The following VIT variants were observed in gnomAD, a reference collection of about 807,000 sequenced individuals.
VIT encodes the protein vitrin.
VIT carries 99 observed loss-of-function variants against 78.0 expected under a neutral mutation model. The observed-to-expected ratio is 1.27, with a 90% CI of 1.08 to 1.50. The LOEUF is 1.50. Among genes scored for constraint, VIT ranks in the 40% most tolerant of loss-of-function variants. The pLI, the probability that VIT is intolerant of heterozygous loss-of-function variation, is 0.00. For synonymous variants in VIT, 374 were observed against 334.3 expected (o/e 1.12, Z -1.29); for missense variants, 1,126 against 875.3 (o/e 1.29, Z -3.61).
intron 6 of VIT, among the ~76,000 whole-genome samples, chr2:36,766,025 G>A (rs1342063492): frequency 6.6e-6 from 1 of 152,194 alleles, no homozygotes; most frequent in Non-Finnish European, 1.5e-5. Context: ...TCACTTTGGG[G>A]GCCACTGTGT....
chr2:36,734,296 T>C (rs1013856802), intron 3 of VIT, among the ~76,000 whole-genome samples: 1 of 152,206 alleles, frequency 6.6e-6, no homozygotes, highest in Admixed American at 6.5e-5. Flanking sequence ...GCTCTCAGTT[T>C]TCACCAGTGT....
In VIT at chr2:36,775,714, C is replaced by G. The variant is rs201805439; in HGVS notation, c.802+647C>G. 1.1e-4 allele frequency among the ~76,000 whole-genome samples: 17 copies of G among 152,278 alleles called. 1 individual carries two copies. In the East Asian group the frequency reaches 3.3e-3, roughly 29 times the overall value. The stretch of plus-strand genomic sequence containing the variant: ...ATCCTACCCAATTTCTGCTGCTTCT[C>G]TCCTCACCATCATCCCTGCAACTTT... On this transcript the variant is annotated intron_variant, in intron 9 of 15. Coordinates refer to ENST00000379242, the MANE Select transcript of VIT (RefSeq NM_053276.4).
intron 7 of VIT, among the ~76,000 whole-genome samples, chr2:36,771,958 G>A (rs960387197): frequency 1.4e-4 from 22 of 152,144 alleles, no homozygotes; most frequent in Non-Finnish European, 1.5e-5. Context: ...ATGAGAGCAT[G>A]TACATCCCAC....
chr2:36,754,714 A>G (rs1056781495), intron 4 of VIT, among the ~76,000 whole-genome samples: 1 of 152,206 alleles, frequency 6.6e-6, no homozygotes, highest in Non-Finnish European at 1.5e-5. Flanking sequence ...AAGAAGAAAG[A>G]GAAGGACATT....
chr2:36,747,247 T>A (rs1327973274), intron 4 of VIT, among the ~76,000 whole-genome samples: 3 of 152,186 alleles, frequency 2.0e-5, no homozygotes, highest in Non-Finnish European at 4.4e-5. Flanking sequence ...GTATGTTCTA[T>A]GTGCAGATGA....
At chr2:36,712,877 T>A (rs2148439766) in intron 1 of VIT, among the ~76,000 whole-genome samples, 1 of 152,356 alleles carries the variant, frequency 6.6e-6, no homozygotes, top group Non-Finnish European at 1.5e-5. Context: ...TAGTTTCTAA[T>A]GTATTCATAA....
chr2:36,757,746 A>C (rs1240526008), intron 5 of VIT, among the ~76,000 whole-genome samples: 1 of 152,250 alleles, frequency 6.6e-6, no homozygotes, highest in Non-Finnish European at 1.5e-5. Flanking sequence ...ACATAGTTCC[A>C]AAACATTTTA....
intron 4 of VIT, among the ~76,000 whole-genome samples, chr2:36,752,638 C>A (rs1668533198): frequency 6.6e-6 from 1 of 152,196 alleles, no homozygotes; most frequent in South Asian, 2.1e-4. Flanking sequence ...TAAGTGGAAC[C>A]ACAGCTTTTT....
intron 4 of VIT, among the ~76,000 whole-genome samples, chr2:36,750,167 T>C (rs1463762586): frequency 6.6e-6 from 1 of 152,240 alleles, no homozygotes; most frequent in East Asian, 1.9e-4. Flanking sequence ...CTTCAGACTA[T>C]GAAATAAAAA....
chr2:36,750,901 C>T (rs553370912), intron 4 of VIT, among the ~76,000 whole-genome samples: 1 of 152,278 alleles, frequency 6.6e-6, no homozygotes, highest in African/African-American at 2.4e-5. Context: ...TCATCACCCT[C>T]ATGAGGTTAT....
rs1667406820 is a variant in VIT, at chr2:36,814,273, T to C, written c.1994T>C (p.Phe665Ser). 1.2e-6 allele frequency: 2 copies of C among 1,614,104 alleles called. No individual in the cohort carries two copies. The highest frequency in any genetic ancestry group is 2.7e-5 in the African/African-American group (2 of 74,936). The change falls in exon 16 of 16, where the codon TTT (phenylalanine) becomes TCT (serine). Residue 665 changes from phenylalanine to serine, a missense_variant. Transcript: ENST00000379242. ...ATHPARDHSF[F>S]VDEFDNLHQY... ...CACCCCGCCAGAGACCACTCCTTCT[T>C]TGTGGACGAGTTTGACAACCTCCAT...
chr2:36,702,111 T>A (rs545840329), intron 1 of VIT, among the ~76,000 whole-genome samples: 1 of 152,208 alleles, frequency 6.6e-6, no homozygotes, highest in South Asian at 2.1e-4. Flanking sequence ...AACAGAGAGA[T>A]GAAGGAAGCC....
At chr2:36,790,791 G>A (rs1665436450) in intron 12 of VIT, among the ~76,000 whole-genome samples, 1 of 152,172 alleles carries the variant, frequency 6.6e-6, no homozygotes, top group Non-Finnish European at 1.5e-5. Flanking sequence ...CATCGTGTGT[G>A]GACAAAAGGC....
chr2:36,783,275 C>T, intron 10 of VIT, 65 bp from the exon 11 acceptor site: 3 of 1,558,348 alleles, frequency 1.9e-6, no homozygotes, highest in Non-Finnish European at 2.6e-6. Flanking sequence ...ATGTCCCCTC[C>T]CATGGGGTAA....
intron 8 of VIT, 141 bp downstream of exon 8, chr2:36,773,988 G>A (rs1415439354): frequency 2.8e-6 from 2 of 722,764 alleles, no homozygotes; most frequent in Non-Finnish European, 4.1e-6. Flanking sequence ...TGCCACTCAA[G>A]GGCCCAACTT....
intron 2 of VIT, among the ~76,000 whole-genome samples, chr2:36,718,483 C>G (rs1476380976): frequency 6.6e-6 from 1 of 152,132 alleles, no homozygotes; most frequent in African/African-American, 2.4e-5. Flanking sequence ...TATTAATCAC[C>G]CAACCCTATG....
intron 2 of VIT, among the ~76,000 whole-genome samples, chr2:36,718,501 G>T (rs1271522837): frequency 1.3e-5 from 2 of 152,254 alleles, no homozygotes; most frequent in Non-Finnish European, 2.9e-5. Flanking sequence ...ATGTAACATG[G>T]CTGCCAGAGA....
intron 4 of VIT, among the ~76,000 whole-genome samples, chr2:36,751,978 T>C (rs1383632045): frequency 6.6e-6 from 1 of 152,134 alleles, no homozygotes; most frequent in African/African-American, 2.4e-5. Context: ...GCAGAAAGTA[T>C]ATTGGGGATC....
intron 15 of VIT, among the ~76,000 whole-genome samples, chr2:36,812,454 G>T (rs1667242537): frequency 6.6e-6 from 1 of 152,132 alleles, no homozygotes; most frequent in South Asian, 2.1e-4. Flanking sequence ...CTGCTGACCA[G>T]CTGTCCACAA....
Sources: gnomAD v4.1 joint callset for allele counts (sites outside exome capture counted in the v4.1 genomes callset) on GRCh38, gnomAD v4.1.1 for gene constraint, MANE v1.5 for transcripts, NCBI Gene and HGNC (gene_info 2026-07-23, HGNC 2026-07-21) for gene names.